TEPSIN: variants seen among roughly 807,000 people sequenced by gnomAD.
TEPSIN encodes the protein AP-4 complex accessory subunit tepsin.
Under a neutral mutation model 48.5 loss-of-function variants are expected in TEPSIN, and 50 were observed. The ratio of observed to expected loss-of-function variants is 1.03; its 90% CI spans 0.82 to 1.31. TEPSIN has a LOEUF of 1.31. Among genes scored for constraint, TEPSIN ranks in the 50% most tolerant of loss-of-function variants. The pLI is 0.00. For missense variants in TEPSIN, 838 were observed against 815.9 expected, an observed-to-expected ratio of 1.03 and a Z score of -0.33; for synonymous variants, 392 against 358.8, an observed-to-expected ratio of 1.09 and a Z score of -1.05.
Position 81,237,418 on chromosome 17 carries a change from C to G in TEPSIN, c.90G>C (p.Pro30=), listed in dbSNP as rs188620146. 6.2e-7 allele frequency: 1 copy of G among 1,611,922 alleles called. No homozygotes were observed. Among genetic ancestry groups the G allele is most frequent in the Admixed American group, 1.7e-5 (1 of 59,814 alleles). ...TCTCTTCAAACAGGTAGCCCGGACA[C>G]GGGACATCATCATCGGACGTCCCCT... ...LLKGTSDDDV[P]CPGYLFEEIA... Residue 30 remains proline (P), a synonymous_variant, in exon 2 of 13, where the codon CCG becomes CCC. Coordinates refer to ENST00000637944, the MANE Select transcript of TEPSIN (RefSeq NM_001363764.2).
In TEPSIN at chr17:81,228,836, A is replaced by G; in HGVS notation, c.*92T>C. 6.7e-7 allele frequency: 1 copy of G among 1,496,228 alleles called. No individual in the cohort carries two copies. Among genetic ancestry groups the G allele is most frequent in the South Asian group, 1.2e-5 (1 of 82,488 alleles). 92.7% of individuals were successfully genotyped at this position (1,496,228 alleles called of 1,614,324 possible). A position where few individuals can be genotyped will look rare whatever the true frequency, so the allele number is the denominator to read the frequency against. ...CGTCCTCTCAAGTCAAGCTGCCTGG[A>G]GACTGTAGCAGCTACGGTTGAGGCT... On this transcript the variant is annotated 3_prime_UTR_variant, in exon 13 of 13. Transcript: ENST00000637944.
At chr17:81,238,393 C>T (rs2062764789) in intron 1 of TEPSIN, 1 of 268,824 alleles carries the variant, frequency 3.7e-6, no homozygotes, top group African/African-American at 2.3e-5. Flanking sequence ...ACCACCCAGC[C>T]CCCTCTGAGG....
Position 81,233,278 on chromosome 17 carries a change from A to C in TEPSIN, c.526+154T>G. ...CACCCCCACGTCAGCAGCCAGAGAG[A>C]GACAGTGGGGACAGCCCCAGGAAGG... On this transcript the variant is annotated intron_variant, in intron 7 of 12. Transcript: ENST00000637944. This position sits in a 1 kb window ranked among gnomAD's most constrained non-coding sequence, Gnocchi z 5.8. 1 of 863,770 alleles carries C rather than the reference A, an allele frequency of 1.2e-6. No homozygotes were observed. The highest frequency in any genetic ancestry group is 2.7e-5 in the East Asian group (1 of 36,388). The allele number at this position is 863,770 out of a possible 1,614,324, so 53.5% of individuals were successfully genotyped here.
Position 81,233,051 on chromosome 17 carries a change from G to A in TEPSIN, c.526+381C>T. 1 of 295,532 alleles carries A rather than the reference G, an allele frequency of 3.4e-6. No individual in the cohort carries two copies. The highest frequency in any genetic ancestry group is 6.4e-6 in the Non-Finnish European group (1 of 156,466). 18.3% of individuals were successfully genotyped at this position (295,532 alleles called of 1,614,324 possible). A position where few individuals can be genotyped will look rare whatever the true frequency, so the allele number is the denominator to read the frequency against. On this transcript the variant is annotated intron_variant, in intron 7 of 12. Coordinates refer to ENST00000637944, the MANE Select transcript of TEPSIN (RefSeq NM_001363764.2). This position sits in a 1 kb window ranked among gnomAD's most constrained non-coding sequence, Gnocchi z 5.8. Reference sequence around the variant, plus strand: ...TGCCACCTGTGGCTCTCCTGGCGCTGGTGAGCAGTTGTCCACTGGTACTGC... The same window carrying A: ...TGCCACCTGTGGCTCTCCTGGCGCTAGTGAGCAGTTGTCCACTGGTACTGC...
In TEPSIN at chr17:81,230,805, G is replaced by A. The variant is rs2062580148; in HGVS notation, c.1099-127C>T. ...GACTGGAGTGCCAGGAGGCCCCAGA[G>A]ACAGCTCCACCACAGCCCTGTCCTC... On this transcript the variant is annotated intron_variant, in intron 11 of 12. Transcript: ENST00000637944. This position sits in a 1 kb window ranked among gnomAD's most constrained non-coding sequence, Gnocchi z 4.2. 1.6e-6 allele frequency: 2 copies of A among 1,255,216 alleles called. No individual in the cohort carries two copies. The highest frequency in any genetic ancestry group is 2.1e-6 in the Non-Finnish European group (2 of 939,800). The allele number at this position is 1,255,216 out of a possible 1,614,324, so 77.8% of individuals were successfully genotyped here. A position where few individuals can be genotyped will look rare whatever the true frequency, so the allele number is the denominator to read the frequency against.
At chr17:81,231,176 A>T in intron 11 of TEPSIN, 1 of 593,126 alleles carries the variant, frequency 1.7e-6, no homozygotes. Context: ...ACAAGTGTGT[A>T]CACACCGCAC....
chr17:81,233,268 A>G lies in TEPSIN; in HGVS notation c.526+164T>C. 2.5e-6 allele frequency: 2 copies of G among 802,910 alleles called. No homozygotes were observed. Among genetic ancestry groups the G allele is most frequent in the African/African-American group, 1.7e-5 (1 of 57,362 alleles). The allele number at this position is 802,910 out of a possible 1,614,324, so 49.7% of individuals were successfully genotyped here. A position where few individuals can be genotyped will look rare whatever the true frequency, so the allele number is the denominator to read the frequency against. On this transcript the variant is annotated intron_variant, in intron 7 of 12. Transcript: ENST00000637944. The surrounding 1 kb of genome is among the most constrained non-coding windows in gnomAD (Gnocchi z 5.8). ...ACACCTGCCCCACCCCCACGTCAGCAGCCAGAGAGAGACAGTGGGGACAGC... is the reference window on the plus strand; with the variant it reads ...ACACCTGCCCCACCCCCACGTCAGCGGCCAGAGAGAGACAGTGGGGACAGC...
chr17:81,231,912 C>T lies in TEPSIN; in HGVS notation c.840G>A (p.Ser280=), dbSNP rs368701464. Residue 280 remains serine, a synonymous_variant, in exon 9 of 13, where the codon TCG becomes TCA. Transcript: ENST00000637944. ...GGCTGTCGCTGCCGGAATGACTGCC[C>T]GAGTCCGAGACCCTGCTCAGGTCGC... The part of the protein sequence containing the change: ...QNSDLSRVSD[S]GSHSGSDSHS... The T allele has an allele frequency of 6.2e-5, 100 of 1,613,544 alleles. No individual in the cohort carries two copies. The highest frequency in any genetic ancestry group is 4.9e-4 in the Middle Eastern group (3 of 6,084).
intron 4 of TEPSIN, 106 bp downstream of exon 4, chr17:81,236,602 G>A (rs2062724874): frequency 1.7e-6 from 2 of 1,199,562 alleles, no homozygotes; most frequent in African/African-American, 1.5e-5. Context: ...CCCGGCCCAG[G>A]TGAGGGCTCT....
chr17:81,233,359 T>C lies in TEPSIN; in HGVS notation c.526+73A>G, dbSNP rs1403052530. 4 of 1,538,184 alleles carry C rather than the reference T, an allele frequency of 2.6e-6. No homozygotes were observed. The Admixed American group carries it at 5.7e-5, about 22-fold the overall frequency. ...ACAGCAGCTACTAGATGGGGCGGCATGGTCCGGCCCCCACCACCTCCTCAT... is the reference window on the plus strand; with the variant it reads ...ACAGCAGCTACTAGATGGGGCGGCACGGTCCGGCCCCCACCACCTCCTCAT... On this transcript the variant is annotated intron_variant, in intron 7 of 12. Transcript: ENST00000637944. The surrounding 1 kb of genome is among the most constrained non-coding windows in gnomAD (Gnocchi z 5.8).
Position 81,233,797 on chromosome 17 carries a change from C to G in TEPSIN, c.376-81G>C, listed in dbSNP as rs1390564756. ...CCCTGCCACCCATATCAGCTCCGTT[C>G]TGTCCCCCGGACACTTCTCCTGAGC... On this transcript the variant is annotated intron_variant, in intron 5 of 12. Coordinates refer to ENST00000637944, the MANE Select transcript of TEPSIN (RefSeq NM_001363764.2). This position sits in a 1 kb window ranked among gnomAD's most constrained non-coding sequence, Gnocchi z 5.8. The G allele has an allele frequency of 2.1e-6, 3 of 1,455,378 alleles. No homozygotes were observed. Among genetic ancestry groups the G allele is most frequent in the Non-Finnish European group, 2.8e-6 (3 of 1,081,718 alleles). 90.2% of individuals were successfully genotyped at this position (1,455,378 alleles called of 1,614,324 possible). A position where few individuals can be genotyped will look rare whatever the true frequency, so the allele number is the denominator to read the frequency against.
At position 81,238,078 on chromosome 17, in the gene TEPSIN, T is replaced by G. The variant is rs963155207; in HGVS notation, c.49-619A>C. 5.1e-6 allele frequency: 5 copies of G among 989,164 alleles called. No individual in the cohort carries two copies. The African/African-American group carries it at 8.7e-5, about 17-fold the overall frequency. 61.3% of individuals were successfully genotyped at this position (989,164 alleles called of 1,614,324 possible). A position where few individuals can be genotyped will look rare whatever the true frequency, so the allele number is the denominator to read the frequency against. ...TGCATTATTCAGTATCAGGACAGAA[T>G]AGAGTTCAAGAGTATTTAACAGGAC... On this transcript the variant is annotated intron_variant, in intron 1 of 12. Transcript: ENST00000637944.
At chr17:81,229,788 T>C in intron 12 of TEPSIN, 2 of 420,858 alleles carry the variant, frequency 4.8e-6, no homozygotes, top group Non-Finnish European at 4.3e-6. Flanking sequence ...CCGGAGGGAG[T>C]GAACACGTGG....
intron 2 of TEPSIN, 100 bp downstream of exon 2, chr17:81,237,287 C>A: frequency 2.2e-6 from 3 of 1,373,794 alleles, no homozygotes; most frequent in Non-Finnish European, 3.0e-6. Context: ...AGGAGCCGTG[C>A]ATCCCCCTAG....
intron 8 of TEPSIN, 29 bp downstream of exon 8, chr17:81,232,286 C>T (rs2062630561): frequency 4.7e-6 from 7 of 1,497,478 alleles, no homozygotes; most frequent in Admixed American, 2.1e-5. Context: ...TGACCCAGAC[C>T]CCAAGGGGAG....
rs2062519438 is a variant in TEPSIN, at chr17:81,228,860, C to T, written c.*68G>A. ...GAGACTGTAGCAGCTACGGTTGAGG[C>T]TGCTCAGGAAGCACAGACCGCCCCA... On this transcript the variant is annotated 3_prime_UTR_variant, in exon 13 of 13. Transcript: ENST00000637944. 3.2e-6 allele frequency: 5 copies of T among 1,584,830 alleles called. No homozygotes were observed. Among genetic ancestry groups the T allele is most frequent in the Non-Finnish European group, 4.3e-6 (5 of 1,164,040 alleles).
chr17:81,234,237 C>A lies in TEPSIN; in HGVS notation c.308-189G>T, dbSNP rs780834097. 1.7e-5 allele frequency: 8 copies of A among 474,826 alleles called. No individual in the cohort carries two copies. Among genetic ancestry groups the A allele is most frequent in the Non-Finnish European group, 2.6e-5 (7 of 269,686 alleles). The allele number at this position is 474,826 out of a possible 1,614,324, so 29.4% of individuals were successfully genotyped here. A position where few individuals can be genotyped will look rare whatever the true frequency, so the allele number is the denominator to read the frequency against. ...CACCTGAGCAGACCCTCAGCTCCCC[C>A]TCACCCATGCCCCACAGAGGCGAGA... On this transcript the variant is annotated intron_variant, in intron 4 of 12. Transcript: ENST00000637944. The surrounding 1 kb of genome is among the most constrained non-coding windows in gnomAD (Gnocchi z 5.4).
chr17:81,230,484 A>G lies in TEPSIN; in HGVS notation c.1233+60T>C. 41 of 1,592,830 alleles carry G rather than the reference A, an allele frequency of 2.6e-5. No homozygotes were observed. The highest frequency in any genetic ancestry group is 3.3e-5 in the Non-Finnish European group (39 of 1,172,324). ...CAGGGACGGGGTGGCCGTGGACTGC[A>G]GCGTATCTCCCACTGTACCCTTGGA... is the stretch of plus-strand genomic sequence containing the variant. On this transcript the variant is annotated intron_variant, in intron 12 of 12. Coordinates refer to ENST00000637944, the MANE Select transcript of TEPSIN (RefSeq NM_001363764.2). This position sits in a 1 kb window ranked among gnomAD's most constrained non-coding sequence, Gnocchi z 4.2.
intron 9 of TEPSIN, 45 bp from the exon 10 acceptor site, chr17:81,231,736 C>A (rs2062615439): frequency 2.5e-6 from 4 of 1,609,208 alleles, no homozygotes; most frequent in South Asian, 2.2e-5. Context: ...GAGGCCATGC[C>A]CCCACTCCTG....
Sources: allele counts gnomAD v4.1 joint callset, GRCh38; gene constraint gnomAD v4.1.1; non-coding constraint Gnocchi (gnomAD v3.1); transcripts MANE v1.5; gene names NCBI Gene and HGNC (gene_info 2026-07-23, HGNC 2026-07-21).